The following POLR1D variants were observed in gnomAD, a reference collection of about 807,000 sequenced individuals.
POLR1D encodes the protein DNA-directed RNA polymerases I and III subunit RPAC2.
Under a neutral mutation model 10.8 loss-of-function variants are expected in POLR1D, and 8 were observed. The ratio of observed to expected loss-of-function variants is 0.74; its 90% CI spans 0.43 to 1.33. POLR1D has a LOEUF of 1.33. POLR1D is among the 40% of genes most tolerant of loss of function. The probability of loss-of-function intolerance (pLI) is 0.01; values close to 1 mark genes in which losing one functional copy is unlikely to be tolerated. For missense variants in POLR1D, 152 were observed against 161.7 expected (o/e 0.94, Z 0.32); for synonymous variants, 54 against 57.2 (o/e 0.94, Z 0.25).
downstream of POLR1D, among the ~76,000 whole-genome samples, chr13:27,625,339 T>C (rs1387756010): frequency 2.6e-5 from 4 of 152,222 alleles, no homozygotes; most frequent in East Asian, 7.7e-4. Flanking sequence ...TGAAGTGGCC[T>C]GGAAGGGTAG....
At chr13:27,646,349 C>CTTATTAGGTCCAAAAT (rs1438838592) in intron 1 of POLR1D, 1 of 151,950 alleles carries the variant, frequency 6.6e-6, no homozygotes, top group Non-Finnish European at 1.5e-5. Context: ...TGTTTTGGAC[C>CTTATTAGGTCCAAAAT]TTATTAGGAT....
At chr13:27,666,629 G>A (rs1388028764) in exon 3 of POLR1D, 1 of 152,100 alleles carries the variant, frequency 6.6e-6, no homozygotes, top group Non-Finnish European at 1.5e-5. Flanking sequence ...TAGGTCTTAA[G>A]TGGTGCTTTA....
At chr13:27,630,732 T>A (rs907117836) in intron 1 of POLR1D, among the ~76,000 whole-genome samples, 2 of 152,248 alleles carry the variant, frequency 1.3e-5, no homozygotes, top group African/African-American at 4.8e-5. Flanking sequence ...ACTTAAATAC[T>A]CAAACATTAG....
chr13:27,645,628 A>G (rs1386784594), intron 1 of POLR1D, among the ~76,000 whole-genome samples: 1 of 151,936 alleles, frequency 6.6e-6, no homozygotes, highest in Admixed American at 6.6e-5. Context: ...GAACCATGGG[A>G]ATGGGTCACG....
At position 27,643,869 on chromosome 13, in the gene POLR1D, GTC is replaced by G. The variant is rs1221820924; in HGVS notation, c.27-4508_27-4507del. Reference sequence around the variant, plus strand: ...CTCATTTCTGCCAATTTTCTAAGAAGTCTGTATTCTTGTCACCAAGTCATGCT... The same window carrying G: ...CTCATTTCTGCCAATTTTCTAAGAAGTGTATTCTTGTCACCAAGTCATGCT... On this transcript the variant is annotated intron_variant, in intron 1 of 2. Transcript: ENST00000399697. 3.9e-5 allele frequency among the ~76,000 whole-genome samples: 6 copies of G among 152,322 alleles called. No individual in the cohort carries two copies. In the East Asian group the frequency reaches 1.2e-3, roughly 29 times the overall value.
At chr13:27,645,143 A>G (rs1168012807) in intron 1 of POLR1D, among the ~76,000 whole-genome samples, 1 of 152,212 alleles carries the variant, frequency 6.6e-6, no homozygotes, top group Admixed American at 6.5e-5. Context: ...GCGAATGCTC[A>G]ACATTCTTAG....
Position 27,636,399 on chromosome 13 carries a change from T to C in POLR1D, c.27-11980T>C, listed in dbSNP as rs141525244. On this transcript the variant is annotated intron_variant, in intron 1 of 2. Transcript: ENST00000399697. ...CTCTAACTCTAACATTTGAGAAACTTTTCCCTTACATTTTTTAATAATATA... is the reference window on the plus strand; with the variant it reads ...CTCTAACTCTAACATTTGAGAAACTCTTCCCTTACATTTTTTAATAATATA... Among the ~76,000 whole-genome samples, 1,278 of 152,278 alleles carry C rather than the reference T, an allele frequency of 8.4e-3. 10 individuals are homozygous for C. The highest frequency in any genetic ancestry group is 0.012 in the Non-Finnish European group (826 of 68,018).
At chr13:27,632,396 C>T (rs894122101) in intron 1 of POLR1D, among the ~76,000 whole-genome samples, 13 of 152,288 alleles carry the variant, frequency 8.5e-5, no homozygotes, top group South Asian at 4.1e-4. Context: ...CCAGCTGTCT[C>T]GTAAATCTAT....
chr13:27,659,470 C>T (rs1308757660), intron 2 of POLR1D, among the ~76,000 whole-genome samples: 2 of 152,136 alleles, frequency 1.3e-5, no homozygotes, highest in Admixed American at 6.5e-5. Context: ...AAAGAGTTTT[C>T]CTAAAGCCCT....
chr13:27,640,781 C>A (rs996833938), intron 1 of POLR1D, among the ~76,000 whole-genome samples: 2 of 152,016 alleles, frequency 1.3e-5, no homozygotes, highest in African/African-American at 4.8e-5. Context: ...GAACATATAA[C>A]CTTCCCTCAG....
intron 2 of POLR1D, among the ~76,000 whole-genome samples, chr13:27,652,451 C>T (rs1956274393): frequency 6.6e-6 from 1 of 152,192 alleles, no homozygotes; most frequent in African/African-American, 2.4e-5. Context: ...GGGACCCAGG[C>T]TCCTTCCAGT....
At chr13:27,641,986 A>G (rs949174366) in intron 1 of POLR1D, among the ~76,000 whole-genome samples, 4 of 152,178 alleles carry the variant, frequency 2.6e-5, no homozygotes, top group Non-Finnish European at 5.9e-5. Flanking sequence ...CCTTGCAGAG[A>G]CAGGCCAGTG....
At chr13:27,636,576 G>C (rs935880552) in intron 1 of POLR1D, among the ~76,000 whole-genome samples, 5 of 152,208 alleles carry the variant, frequency 3.3e-5, no homozygotes, top group African/African-American at 1.2e-4. Context: ...CAAACGCTAA[G>C]AGAGAATTGT....
chr13:27,665,812 G>A (rs1347710176), exon 3 of POLR1D: 1 of 1,614,200 alleles, frequency 6.2e-7, no homozygotes, highest in Non-Finnish European at 8.5e-7. Context: ...CGAAGAGCCA[G>A]GCCCAGAAAG....
chr13:27,621,989 A>G lies in POLR1D; in HGVS notation c.6A>G (p.Glu2=), dbSNP rs376051642. 9.9e-5 allele frequency: 157 copies of G among 1,593,210 alleles called. No individual in the cohort carries two copies. In the South Asian group the frequency reaches 1.8e-3, roughly 18 times the overall value. M[E]EDQELERKIS... is the part of the protein sequence containing the mutation. ...ATCCAGAAACCGCCCCAGCGATGGA[A>G]GAGGATCAGGAGCTGGAGAGGTAAC... The change falls in exon 1 of 2, where the codon GAA becomes GAG. Residue 2 remains glutamate, a synonymous_variant. Transcript: ENST00000302979.
exon 3 of POLR1D, chr13:27,666,621 G>C (rs964080418): frequency 6.6e-6 from 1 of 151,984 alleles, no homozygotes; most frequent in Non-Finnish European, 1.5e-5. Context: ...TTAATATATA[G>C]GTCTTAAGTG....
At chr13:27,633,271 G>C (rs1269243629) in intron 1 of POLR1D, among the ~76,000 whole-genome samples, 3 of 152,178 alleles carry the variant, frequency 2.0e-5, no homozygotes, top group African/African-American at 7.2e-5. Flanking sequence ...CTTTGTATCT[G>C]CAAGGCCAAA....
intron 1 of POLR1D, among the ~76,000 whole-genome samples, chr13:27,632,477 T>C (rs1255480840): frequency 6.6e-6 from 1 of 152,162 alleles, no homozygotes; most frequent in African/African-American, 2.4e-5. Context: ...CAGCAGCTAT[T>C]TAAGGTCCAT....
chr13:27,656,887 C>T (rs1183328909), intron 2 of POLR1D, among the ~76,000 whole-genome samples: 6 of 152,146 alleles, frequency 3.9e-5, no homozygotes, highest in Non-Finnish European at 4.4e-5. Flanking sequence ...GTGGTACATC[C>T]TACTGTTGAA....
Sources: gnomAD v4.1 joint callset for allele counts (sites outside exome capture counted in the v4.1 genomes callset) on GRCh38, gnomAD v4.1.1 for gene constraint, MANE v1.5 for transcripts, NCBI Gene and HGNC (gene_info 2026-07-23, HGNC 2026-07-21) for gene names.